Variants in NRXN1 observed in about 807,000 individuals in gnomAD.
NRXN1 encodes neurexin-1.
NRXN1 carries 39 observed loss-of-function variants against 150.9 expected under a neutral mutation model. That is an observed-to-expected ratio of 0.26 (90% CI 0.20 to 0.34). The LOEUF (loss-of-function observed/expected upper bound fraction) is 0.34. Among genes scored for constraint, NRXN1 ranks in the 10% least tolerant of loss-of-function variants. The probability of loss-of-function intolerance (pLI) is 1.00; values close to 1 mark genes in which losing one functional copy is unlikely to be tolerated. For missense variants in NRXN1, 1,815 were observed against 1,949.9 expected (o/e 0.93, Z 1.30); for synonymous variants, 924 against 757.0 (o/e 1.22, Z -3.62).
intron 21 of NRXN1, among the ~76,000 whole-genome samples, chr2:49,963,421 G>A (rs747708703): frequency 9.9e-5 from 15 of 152,202 alleles, no homozygotes; most frequent in Non-Finnish European, 1.5e-4. Flanking sequence ...AAGAGAATGA[G>A]CAGAAGGAAG....
At chr2:50,770,068 T>A (rs550521384) in intron 5 of NRXN1, among the ~76,000 whole-genome samples, 1 of 152,222 alleles carries the variant, frequency 6.6e-6, no homozygotes, top group South Asian at 2.1e-4. Context: ...AATGCTGCCA[T>A]TAACAGCTGC....
At position 50,126,470 on chromosome 2, in the gene NRXN1, TAG is replaced by T. The variant is rs1704603466; in HGVS notation, c.3547-34978_3547-34977del. Among the ~76,000 whole-genome samples, 4 of 151,380 alleles carry T rather than the reference TAG, an allele frequency of 2.6e-5. No homozygotes were observed. In the Admixed American group the frequency reaches 2.7e-4, roughly 10 times the overall value. ...ATTGGTACTGCTAATATAACTGATATAGTCATCATATTTCCTATGGATTTACA... is the reference window on the plus strand; with the variant it reads ...ATTGGTACTGCTAATATAACTGATATTCATCATATTTCCTATGGATTTACA... On this transcript the variant is annotated intron_variant, in intron 18 of 22. Transcript: ENST00000401669.
chr2:50,233,030 T>C (rs1052004362), intron 18 of NRXN1, among the ~76,000 whole-genome samples: 16 of 152,036 alleles, frequency 1.1e-4, no homozygotes, highest in African/African-American at 3.4e-4. Context: ...CTCAGAGTTA[T>C]ATAGAAATTA....
chr2:50,327,624 T>C (rs1484294767), intron 17 of NRXN1, among the ~76,000 whole-genome samples: 3 of 151,552 alleles, frequency 2.0e-5, no homozygotes, highest in African/African-American at 7.3e-5. Context: ...CCTCCCTCCT[T>C]CCCTCCCTTC....
At chr2:50,544,617 A>G (rs150453014) in intron 9 of NRXN1, among the ~76,000 whole-genome samples, 3 of 152,270 alleles carry the variant, frequency 2.0e-5, no homozygotes, top group South Asian at 2.1e-4. Flanking sequence ...ATTGGCAAGA[A>G]TAAGGGGGAA....
At chr2:50,481,736 TTTCAATA>T (rs2090470818) in intron 15 of NRXN1, among the ~76,000 whole-genome samples, 1 of 150,694 alleles carries the variant, frequency 6.6e-6, no homozygotes, top group Non-Finnish European at 1.5e-5. Context: ...CATATAATTC[TTTCAATA>T]TTCTGAACTT....
chr2:50,798,006 C>T (rs528919656), intron 5 of NRXN1, among the ~76,000 whole-genome samples: 28 of 152,084 alleles, frequency 1.8e-4, no homozygotes, highest in African/African-American at 6.3e-4. Flanking sequence ...TTATTTGAGG[C>T]GGGCTGGTAG....
intron 5 of NRXN1, among the ~76,000 whole-genome samples, chr2:50,627,364 T>TGC (rs1681311503): frequency 1.5e-5 from 1 of 65,014 alleles, no homozygotes; most frequent in South Asian, 7.2e-4. Context: ...TGTATGTGTG[T>TGC]GTGTGTGTGT....
intron 2 of NRXN1, among the ~76,000 whole-genome samples, chr2:51,001,475 A>G (rs1700072571): frequency 6.6e-6 from 1 of 152,012 alleles, no homozygotes. Context: ...AGATCCACAC[A>G]TTTATTAAAA....
intron 5 of NRXN1, among the ~76,000 whole-genome samples, chr2:50,763,866 G>C (rs979533860): frequency 6.6e-5 from 10 of 151,880 alleles, no homozygotes; most frequent in Non-Finnish European, 1.5e-4. Context: ...TCCTTTTAGT[G>C]AATTATGACA....
intron 8 of NRXN1, among the ~76,000 whole-genome samples, chr2:50,555,504 A>T (rs1173971550): frequency 6.6e-6 from 1 of 152,166 alleles, no homozygotes; most frequent in African/African-American, 2.4e-5. Flanking sequence ...TTAGCCATGC[A>T]TCTCTCATAA....
intron 2 of NRXN1, among the ~76,000 whole-genome samples, chr2:50,970,743 G>A (rs934936379): frequency 6.6e-6 from 1 of 151,566 alleles, no homozygotes; most frequent in African/African-American, 2.4e-5. Flanking sequence ...TTTAAAATAC[G>A]TTGTGGGACT....
At chr2:50,813,746 T>C (rs553889867) in intron 5 of NRXN1, among the ~76,000 whole-genome samples, 2 of 152,270 alleles carry the variant, frequency 1.3e-5, no homozygotes, top group African/African-American at 4.8e-5. Context: ...TTGGTTTTAA[T>C]TAAAAGCTCA....
chr2:50,985,545 A>C (rs900138393), intron 2 of NRXN1: 5 of 151,898 alleles, frequency 3.3e-5, no homozygotes, highest in African/African-American at 1.2e-4. Context: ...ACAAGAACTC[A>C]GAAATATTAA....
chr2:50,844,208 C>T lies in NRXN1; in HGVS notation c.832+77661G>A, dbSNP rs375906022. ...TAATTTATCTCCTAGCACATAAGTCCTTCCCCCAGTTCCTCACTAATCAAG... is the reference window on the plus strand; with the variant it reads ...TAATTTATCTCCTAGCACATAAGTCTTTCCCCCAGTTCCTCACTAATCAAG... On this transcript the variant is annotated intron_variant, in intron 5 of 22. Transcript: ENST00000401669. 4.6e-5 allele frequency among the ~76,000 whole-genome samples: 7 copies of T among 152,172 alleles called. No homozygotes were observed. The East Asian group carries it at 1.4e-3, about 29-fold the overall frequency.
intron 17 of NRXN1, among the ~76,000 whole-genome samples, chr2:50,433,099 T>C (rs907867894): frequency 1.3e-5 from 2 of 152,316 alleles, no homozygotes; most frequent in Middle Eastern, 3.4e-3. Flanking sequence ...TCAACTATCT[T>C]AAAACAGTGA....
chr2:50,140,020 G>A (rs1229754937), intron 18 of NRXN1, among the ~76,000 whole-genome samples: 2 of 151,866 alleles, frequency 1.3e-5, no homozygotes, highest in Non-Finnish European at 2.9e-5. Flanking sequence ...AAGCAAATTA[G>A]TTAATACACA....
intron 18 of NRXN1, among the ~76,000 whole-genome samples, chr2:50,177,908 G>A (rs1228038792): frequency 1.3e-5 from 2 of 151,000 alleles, no homozygotes; most frequent in East Asian, 3.9e-4. Flanking sequence ...AAGCATATGA[G>A]GCAGCATGGA....
intron 18 of NRXN1, among the ~76,000 whole-genome samples, chr2:50,219,670 TGA>T (rs2152855116): frequency 6.6e-6 from 1 of 151,046 alleles, no homozygotes; most frequent in African/African-American, 2.4e-5. Context: ...GAGGATCGCT[TGA>T]GCCCAGGAGT....
Sources: allele counts gnomAD v4.1 joint callset (sites outside exome capture counted in the v4.1 genomes callset), GRCh38; gene constraint gnomAD v4.1.1; transcripts MANE v1.5; gene names NCBI Gene and HGNC (gene_info 2026-07-23, HGNC 2026-07-21).